Variants in ASH1L observed in about 807,000 individuals in gnomAD.
ASH1L encodes the protein histone-lysine N-methyltransferase ASH1L.
Under a neutral mutation model 269.0 loss-of-function variants are expected in ASH1L, and 23 were observed. The observed-to-expected ratio is 0.09, with a 90% CI of 0.06 to 0.12. The LOEUF is 0.12. Ranked by LOEUF, ASH1L falls within the 10% of genes least tolerant of loss-of-function variation. ASH1L has a pLI of 1.00. For synonymous variants in ASH1L, 1,187 were observed against 1,253.5 expected, an observed-to-expected ratio of 0.95 and a Z score of 1.12; for missense variants, 2,912 against 3,567.8, an observed-to-expected ratio of 0.82 and a Z score of 4.68.
In ASH1L at chr1:155,378,310, C is replaced by T. The variant is rs1656642098; in HGVS notation, c.6303G>A (p.Arg2101=). 6.2e-7 allele frequency: 1 copy of T among 1,614,178 alleles called. No homozygotes were observed. The highest frequency in any genetic ancestry group is 1.1e-5 in the South Asian group (1 of 91,090). ...TGAGGCAGTCATCAACACAGCCCTT[C>T]CTGGTGTCATCATCTGGCTTCTTAC... The part of the protein sequence containing the change: ...CNCKKPDDDT[R]KGCVDDCLNR... The change falls in exon 10 of 28, where the codon AGG becomes AGA. Residue 2101 remains arginine, a synonymous_variant. Coordinates refer to ENST00000392403, the MANE Select transcript of ASH1L (RefSeq NM_018489.3).
At chr1:155,411,422 A>T (rs900571273) in intron 6 of ASH1L, among the ~76,000 whole-genome samples, 3 of 151,370 alleles carry the variant, frequency 2.0e-5, no homozygotes, top group African/African-American at 7.3e-5. Flanking sequence ...AGACACTTAC[A>T]AATCACTGAT....
At chr1:155,375,141 T>C (rs1298587865) in intron 10 of ASH1L, among the ~76,000 whole-genome samples, 4 of 152,068 alleles carry the variant, frequency 2.6e-5, no homozygotes, top group African/African-American at 9.7e-5. Flanking sequence ...TAATACCTAA[T>C]AACACATACT....
At chr1:155,463,982 C>T (rs115254768) in intron 3 of ASH1L, among the ~76,000 whole-genome samples, 1 of 152,166 alleles carries the variant, frequency 6.6e-6, no homozygotes, top group Non-Finnish European at 1.5e-5. Context: ...CTGAGTGAAT[C>T]TTCTAATTCA....
chr1:155,500,972 T>TA (rs1667462708), intron 2 of ASH1L, among the ~76,000 whole-genome samples: 1 of 149,672 alleles, frequency 6.7e-6, no homozygotes, highest in South Asian at 2.1e-4. Context: ...TGTCTCTAAA[T>TA]AAAAAGAAAC....
chr1:155,488,426 G>A (rs561609557), intron 2 of ASH1L, among the ~76,000 whole-genome samples: 5 of 147,832 alleles, frequency 3.4e-5, no homozygotes, highest in African/African-American at 7.4e-5. Context: ...TTGGGAGGCC[G>A]AGGTGGGCAG....
intron 10 of ASH1L, 23 bp downstream of exon 10, chr1:155,378,258 G>C (rs1331313486): frequency 6.4e-7 from 1 of 1,563,548 alleles, no homozygotes; most frequent in African/African-American, 1.4e-5. Flanking sequence ...CTATGCTTTA[G>C]AGAAATCAAA....
intron 2 of ASH1L, among the ~76,000 whole-genome samples, chr1:155,491,934 A>G (rs780542358): frequency 6.6e-6 from 1 of 151,622 alleles, no homozygotes; most frequent in Non-Finnish European, 1.5e-5. Context: ...CAGCCTCTCA[A>G]TGTGCTGGGA....
chr1:155,461,809 T>TG (rs1156323612), intron 3 of ASH1L, among the ~76,000 whole-genome samples: 1 of 150,730 alleles, frequency 6.6e-6, no homozygotes, highest in Non-Finnish European at 1.5e-5. Flanking sequence ...AGGGTTTTTT[T>TG]TTTTTTTTTT....
At chr1:155,341,312 G>A (rs539067002) in intron 25 of ASH1L, among the ~76,000 whole-genome samples, 17 of 152,186 alleles carry the variant, frequency 1.1e-4, no homozygotes, top group African/African-American at 4.1e-4. Context: ...GAGTAGCTGG[G>A]ACCACAGGCA....
chr1:155,342,856 T>C (rs1180423974), intron 24 of ASH1L, among the ~76,000 whole-genome samples: 2 of 152,154 alleles, frequency 1.3e-5, no homozygotes, highest in Non-Finnish European at 2.9e-5. Flanking sequence ...TAAACTTTTA[T>C]TGAGTACTAA....
chr1:155,424,944 T>C (rs979366481), intron 5 of ASH1L, among the ~76,000 whole-genome samples: 2 of 151,490 alleles, frequency 1.3e-5, no homozygotes, highest in African/African-American at 4.8e-5. Context: ...GCTGGGAGTA[T>C]AGACACCCAC....
At chr1:155,358,345 G>A (rs372588126) in intron 13 of ASH1L, among the ~76,000 whole-genome samples, 2 of 152,002 alleles carry the variant, frequency 1.3e-5, no homozygotes, top group South Asian at 4.2e-4. Context: ...TCAGAAAGGT[G>A]GAGTACAGAG....
At chr1:155,411,586 A>AATAAATAAATAAATATATATATATAT (rs1297131961) in intron 6 of ASH1L, among the ~76,000 whole-genome samples, 62 of 55,078 alleles carry the variant, frequency 1.1e-3, no homozygotes, top group Admixed American at 1.8e-3. Context: ...TAAATAAATA[A>AATAAATAAATAAATATATATATATAT]ATATATATAT....
At chr1:155,459,354 C>G (rs1333334286) in intron 4 of ASH1L, among the ~76,000 whole-genome samples, 2 of 152,224 alleles carry the variant, frequency 1.3e-5, no homozygotes, top group East Asian at 3.9e-4. Context: ...CGCCACCATG[C>G]CTGGCTAGTT....
At chr1:155,437,510 G>A (rs183767945) in intron 5 of ASH1L, among the ~76,000 whole-genome samples, 1 of 152,278 alleles carries the variant, frequency 6.6e-6, no homozygotes, top group Non-Finnish European at 1.5e-5. Context: ...CTTTGTGCAT[G>A]CAAAATGGTA....
intron 4 of ASH1L, among the ~76,000 whole-genome samples, chr1:155,449,435 G>A (rs61812090): frequency 0.011 from 1,604 of 151,872 alleles, 14 homozygotes; most frequent in Non-Finnish European, 0.017. Flanking sequence ...CTTTTAAAAC[G>A]TATCAAGACA....
chr1:155,348,901 T>TAC (rs1653614778), intron 19 of ASH1L, among the ~76,000 whole-genome samples: 1 of 133,420 alleles, frequency 7.5e-6, no homozygotes, highest in Non-Finnish European at 1.6e-5. Context: ...AAAAAAAAAA[T>TAC]ATATATATAT....
chr1:155,343,228 G>A lies in ASH1L; in HGVS notation c.8293+86C>T. ...ACTCCTGGGCTTAAGCAATCTGCCT[G>A]CCTCGGCCTCCCACACCGCTGGGAT... On this transcript the variant is annotated intron_variant, in intron 24 of 27. Coordinates refer to ENST00000392403, the MANE Select transcript of ASH1L (RefSeq NM_018489.3). The surrounding 1 kb of genome is among the most constrained non-coding windows in gnomAD (Gnocchi z 6.1). 6.9e-7 allele frequency: 1 copy of A among 1,456,732 alleles called. No individual in the cohort carries two copies. The highest frequency in any genetic ancestry group is 9.3e-7 in the Non-Finnish European group (1 of 1,072,730). The allele number at this position is 1,456,732 out of a possible 1,614,324, so 90.2% of individuals were successfully genotyped here. A position where few individuals can be genotyped will look rare whatever the true frequency, so the allele number is the denominator to read the frequency against.
rs565319972 is a variant in ASH1L at position 155,405,217 on chromosome 1, G to A, written c.6009-9664C>T. 3.3e-5 allele frequency among the ~76,000 whole-genome samples: 5 copies of A among 150,956 alleles called. No individual in the cohort carries two copies. In the South Asian group the frequency reaches 8.5e-4, roughly 26 times the overall value. ...GTTTTGAGGCCAGGGGCAGTGACTC[G>A]TGCCTGTAATCCCAGCACTTTAGGG... On this transcript the variant is annotated intron_variant, in intron 6 of 27. Transcript: ENST00000392403.
Sources: gnomAD v4.1 joint callset for allele counts (sites outside exome capture counted in the v4.1 genomes callset) on GRCh38, gnomAD v4.1.1 for gene constraint, Gnocchi (gnomAD v3.1) non-coding constraint, MANE v1.5 for transcripts, NCBI Gene and HGNC (gene_info 2026-07-23, HGNC 2026-07-21) for gene names.